The following STAC variants were observed in gnomAD, a reference collection of about 807,000 sequenced individuals.
STAC encodes the protein SH3 and cysteine rich domain, also known as SH3 and cysteine-rich domain-containing protein.
A neutral mutation model predicts 48.8 loss-of-function variants in STAC; 43 were observed. That is an observed-to-expected ratio of 0.88 (90% CI 0.69 to 1.14). STAC has a LOEUF of 1.14. Ranked by LOEUF, STAC falls within the 50% of genes most tolerant of loss-of-function variation. The probability of loss-of-function intolerance (pLI) is 0.00; values close to 1 mark genes in which losing one functional copy is unlikely to be tolerated. For synonymous variants in STAC, 193 were observed against 179.5 expected, an observed-to-expected ratio of 1.07 and a Z score of -0.60; for missense variants, 497 against 504.0, an observed-to-expected ratio of 0.99 and a Z score of 0.13.
intron 1 of STAC, among the ~76,000 whole-genome samples, chr3:36,386,592 G>A (rs1699621454): frequency 6.6e-6 from 1 of 151,888 alleles, no homozygotes; most frequent in East Asian, 1.9e-4. Flanking sequence ...GCCTTTCACA[G>A]GTGGATTTAC....
chr3:36,435,523 G>GA (rs150618934), intron 1 of STAC, among the ~76,000 whole-genome samples: 1,815 of 147,356 alleles, frequency 0.012, 10 homozygotes, highest in Middle Eastern at 0.035. Context: ...AAACATGACA[G>GA]AAAAAAAAAA....
At chr3:36,403,129 A>C (rs1700029372) in intron 1 of STAC, among the ~76,000 whole-genome samples, 1 of 152,238 alleles carries the variant, frequency 6.6e-6, no homozygotes, top group African/African-American at 2.4e-5. Flanking sequence ...AAAAAGGTAC[A>C]ATCAATGCCT....
chr3:36,514,204 C>CTTTTTTTTTTT lies in STAC; in HGVS notation c.920+8391_920+8401dup, dbSNP rs765548085. 1.1e-4 allele frequency among the ~76,000 whole-genome samples: 4 copies of CTTTTTTTTTTT among 36,434 alleles called. 1 individual carries two copies. The highest frequency in any genetic ancestry group is 9.1e-4 in the Admixed American group (2 of 2,188). The allele number at this position is 36,434 out of a possible 152,430, so 23.9% of individuals were successfully genotyped here. ...TCTCTGATCCATCTACACTGGCCTT[C>CTTTTTTTTTTT]TTTTTTTTTTTTTTTTTTTTTTTTT... On this transcript the variant is annotated intron_variant, in intron 8 of 10. Transcript: ENST00000273183.
chr3:36,440,853 T>C (rs1269075955), intron 1 of STAC, among the ~76,000 whole-genome samples: 2 of 152,198 alleles, frequency 1.3e-5, no homozygotes, highest in Admixed American at 6.5e-5. Flanking sequence ...TTGCCTGATA[T>C]ATTGTGTAGG....
rs749521065 is a variant in STAC at position 36,398,689 on chromosome 3, GA to G, written c.111+17939del. On this transcript the variant is annotated intron_variant, in intron 1 of 10. Coordinates refer to ENST00000273183, the MANE Select transcript of STAC (RefSeq NM_003149.3). The stretch of plus-strand genomic sequence containing the variant: ...GGAAGGAAGGAAAGAAAGAAAGAAA[GA>G]AAAGAAAGAAAGAAAGAAAGAGAGA... Among the ~76,000 whole-genome samples the G allele has an allele frequency of 7.9e-4, 105 of 133,052 alleles. 8 individuals carry two copies. The highest frequency in any genetic ancestry group is 1.1e-3 in the Non-Finnish European group (67 of 60,336). 87.3% of individuals were successfully genotyped at this position (133,052 alleles called of 152,430 possible).
chr3:36,409,760 A>G (rs1272179369), intron 1 of STAC: 1 of 152,382 alleles, frequency 6.6e-6, no homozygotes, highest in East Asian at 1.9e-4. Context: ...AAAGCCAAAC[A>G]GAATGAACAT....
At chr3:36,480,411 C>T (rs921363737) in intron 2 of STAC, among the ~76,000 whole-genome samples, 5 of 152,116 alleles carry the variant, frequency 3.3e-5, no homozygotes, top group African/African-American at 1.2e-4. Flanking sequence ...TTAAATGATG[C>T]CATCCTGAAG....
intron 8 of STAC, among the ~76,000 whole-genome samples, chr3:36,513,274 C>T (rs114644487): frequency 1.3e-5 from 2 of 152,184 alleles, no homozygotes; most frequent in Non-Finnish European, 1.5e-5. Flanking sequence ...TACAGAGCAT[C>T]GCAGCTCTGC....
intron 8 of STAC, among the ~76,000 whole-genome samples, chr3:36,522,858 C>T (rs960966322): frequency 6.6e-6 from 1 of 152,120 alleles, no homozygotes; most frequent in Non-Finnish European, 1.5e-5. Flanking sequence ...GGGGATGCCT[C>T]AGGGCAACTC....
intron 1 of STAC, among the ~76,000 whole-genome samples, chr3:36,434,438 G>T (rs60702255): frequency 0.023 from 3,550 of 152,298 alleles, 60 homozygotes; most frequent in East Asian, 0.026. Flanking sequence ...CATGTGAGTA[G>T]CAAGGAGGAA....
intron 5 of STAC, among the ~76,000 whole-genome samples, chr3:36,488,549 C>T (rs573063282): frequency 6.8e-4 from 103 of 152,160 alleles, no homozygotes; most frequent in Non-Finnish European, 1.3e-3. Context: ...TCCTTTAGTT[C>T]AAGCACCGTC....
chr3:36,435,181 C>T (rs1258251928), intron 1 of STAC, among the ~76,000 whole-genome samples: 1 of 152,124 alleles, frequency 6.6e-6, no homozygotes, highest in Non-Finnish European at 1.5e-5. Flanking sequence ...GTCCATTCAC[C>T]CTCCCCTGTC....
intron 1 of STAC, among the ~76,000 whole-genome samples, chr3:36,419,306 T>G (rs1469464834): frequency 1.3e-5 from 2 of 152,036 alleles, no homozygotes; most frequent in Non-Finnish European, 2.9e-5. Flanking sequence ...TTAGTGTGGC[T>G]CTTTGAAACT....
At chr3:36,543,125 A>G (rs761095807) in intron 10 of STAC, among the ~76,000 whole-genome samples, 5 of 152,062 alleles carry the variant, frequency 3.3e-5, no homozygotes, top group Non-Finnish European at 5.9e-5. Context: ...CAAGTTGGTC[A>G]CCCTCTATTT....
chr3:36,484,774 G>C (rs142829990), intron 3 of STAC, among the ~76,000 whole-genome samples: 1 of 152,168 alleles, frequency 6.6e-6, no homozygotes, highest in Admixed American at 6.5e-5. Flanking sequence ...TGGATAGAGT[G>C]TAACTTGCTA....
At chr3:36,431,960 G>C (rs1700715338) in intron 1 of STAC, among the ~76,000 whole-genome samples, 1 of 152,180 alleles carries the variant, frequency 6.6e-6, no homozygotes, top group Non-Finnish European at 1.5e-5. Flanking sequence ...TCCCTAGCCA[G>C]GTAGCTACTC....
At chr3:36,415,637 T>C (rs1700303448) in intron 1 of STAC, among the ~76,000 whole-genome samples, 1 of 152,178 alleles carries the variant, frequency 6.6e-6, no homozygotes, top group Admixed American at 6.5e-5. Context: ...ACCCACTGTC[T>C]GACAAGCCCC....
intron 1 of STAC, among the ~76,000 whole-genome samples, chr3:36,385,865 T>G (rs1288355864): frequency 6.6e-6 from 1 of 152,144 alleles, no homozygotes; most frequent in Non-Finnish European, 1.5e-5. Context: ...ATTGTATGAA[T>G]GGAACACAGT....
At chr3:36,487,495 CAGTT>C (rs1424939024) in intron 5 of STAC, among the ~76,000 whole-genome samples, 2 of 152,156 alleles carry the variant, frequency 1.3e-5, no homozygotes, top group Non-Finnish European at 2.9e-5. Flanking sequence ...TTCTTCTACT[CAGTT>C]AGCAGACATG....
Sources: gnomAD v4.1 joint callset for allele counts (sites outside exome capture counted in the v4.1 genomes callset) on GRCh38, gnomAD v4.1.1 for gene constraint, MANE v1.5 for transcripts, NCBI Gene and HGNC (gene_info 2026-07-23, HGNC 2026-07-21) for gene names.